Variants in BBOX1 observed in about 807,000 individuals in gnomAD.
The protein encoded by BBOX1 is gamma-butyrobetaine dioxygenase.
BBOX1 carries 35 observed loss-of-function variants against 41.6 expected under a neutral mutation model. That is an observed-to-expected ratio of 0.84 (90% CI 0.64 to 1.11). The LOEUF (loss-of-function observed/expected upper bound fraction) is 1.11, where lower values mean the gene tolerates loss of function less well. Among genes scored for constraint, BBOX1 ranks in the 50% most tolerant of loss-of-function variants. BBOX1 has a pLI of 0.00. For missense variants in BBOX1, 458 were observed against 460.6 expected (o/e 0.99, Z 0.05); for synonymous variants, 163 against 154.7 (o/e 1.05, Z -0.40).
At chr11:27,071,932 G>C (rs1472032676) in intron 4 of BBOX1, among the ~76,000 whole-genome samples, 2 of 151,952 alleles carry the variant, frequency 1.3e-5, no homozygotes, top group Admixed American at 6.6e-5. Flanking sequence ...AAAATAATAA[G>C]AGCTATTTAT....
chr11:27,077,205 A>G (rs976556492), intron 4 of BBOX1, among the ~76,000 whole-genome samples: 1 of 152,084 alleles, frequency 6.6e-6, no homozygotes, highest in Non-Finnish European at 1.5e-5. Context: ...TACCCTGTGA[A>G]GTAGGACCAA....
At chr11:27,091,198 G>A (rs992160206) in intron 4 of BBOX1, among the ~76,000 whole-genome samples, 2 of 151,906 alleles carry the variant, frequency 1.3e-5, no homozygotes, top group Admixed American at 1.3e-4. Flanking sequence ...CAGGGTCCCT[G>A]ACTTCCTGCA....
At chr11:27,117,383 G>T (rs890106041) in intron 6 of BBOX1, among the ~76,000 whole-genome samples, 2 of 151,874 alleles carry the variant, frequency 1.3e-5, no homozygotes, top group Non-Finnish European at 2.9e-5. Flanking sequence ...TTTGTTGATT[G>T]TAAAATACCA....
At chr11:27,112,314 G>A (rs1216878360) in intron 5 of BBOX1, among the ~76,000 whole-genome samples, 1 of 152,108 alleles carries the variant, frequency 6.6e-6, no homozygotes, top group South Asian at 2.1e-4. Flanking sequence ...GGAAATGATA[G>A]CTATAGAAGT....
At chr11:27,063,220 T>C (rs866002487) in intron 4 of BBOX1, among the ~76,000 whole-genome samples, 3 of 152,162 alleles carry the variant, frequency 2.0e-5, no homozygotes, top group South Asian at 2.1e-4. Context: ...CAGCAGTACA[T>C]GTTTCCAAAC....
intron 4 of BBOX1, among the ~76,000 whole-genome samples, chr11:27,080,495 C>T (rs573387222): frequency 1.6e-4 from 25 of 152,190 alleles, no homozygotes; most frequent in Non-Finnish European, 3.1e-4. Flanking sequence ...CTGCTACGTA[C>T]TAGGCACTAT....
intron 4 of BBOX1, among the ~76,000 whole-genome samples, chr11:27,075,967 G>A (rs1298084259): frequency 6.6e-6 from 1 of 152,228 alleles, no homozygotes; most frequent in Admixed American, 6.5e-5. Context: ...GCCCAGCACT[G>A]TATCTGTGCC....
intron 4 of BBOX1, among the ~76,000 whole-genome samples, chr11:27,087,422 T>C (rs769647677): frequency 1.1e-4 from 16 of 152,110 alleles, no homozygotes; most frequent in Admixed American, 2.6e-4. Context: ...ACTAAGATGA[T>C]CATTAGCAAT....
At chr11:27,071,851 C>T (rs1195462854) in intron 4 of BBOX1, among the ~76,000 whole-genome samples, 3 of 152,058 alleles carry the variant, frequency 2.0e-5, no homozygotes, top group African/African-American at 7.2e-5. Context: ...GCAGAAAAGG[C>T]CTTTGACAAA....
rs1459422645 is a variant in BBOX1 at position 27,057,063 on chromosome 11, T to TAAAAAAAAAAAAAAAAAA, written c.220-138_220-137insAAAAAAAAAAAAAAAAAA. 383 of 149,494 alleles carry TAAAAAAAAAAAAAAAAAA rather than the reference T, an allele frequency of 2.6e-3. 107 individuals carry two copies. The highest frequency in any genetic ancestry group is 4.4e-3 in the East Asian group (28 of 6,338). 9.3% of individuals were successfully genotyped at this position (149,494 alleles called of 1,614,324 possible). On this transcript the variant is annotated intron_variant, in intron 3 of 8. Coordinates refer to ENST00000263182, the MANE Select transcript of BBOX1 (RefSeq NM_003986.3). ...CCTGGCAACAGAGGAAGACTCCGACTTAAAAAAAAAAAAAAAAAAAAATTA... is the reference window on the plus strand; with the variant it reads ...CCTGGCAACAGAGGAAGACTCCGACTAAAAAAAAAAAAAAAAAATAAAAAAAAAAAAAAAAAAAAATTA...
chr11:27,093,129 T>C (rs755920489), intron 4 of BBOX1, 39 bp from the exon 5 acceptor site: 10 of 1,574,794 alleles, frequency 6.4e-6, no homozygotes, highest in Non-Finnish European at 7.9e-6. Flanking sequence ...GTAAAAAGAA[T>C]GTAATCCCAT....
chr11:27,097,754 T>C (rs1396567448), intron 5 of BBOX1, among the ~76,000 whole-genome samples: 2 of 152,020 alleles, frequency 1.3e-5, no homozygotes, highest in Non-Finnish European at 2.9e-5. Flanking sequence ...ATCCCCAGGA[T>C]GATGCAAAGC....
At chr11:27,057,472 A>G (rs1457640399) in intron 4 of BBOX1, 157 bp downstream of exon 4, 1 of 624,042 alleles carries the variant, frequency 1.6e-6, no homozygotes, top group Admixed American at 3.2e-5. Context: ...GACAAATATC[A>G]TTTGGGTAGA....
At position 27,125,703 on chromosome 11, in the gene BBOX1, A is replaced by C. The variant is rs745728859; in HGVS notation, c.886A>C (p.Arg296=). 3 of 1,609,074 alleles carry C rather than the reference A, an allele frequency of 1.9e-6. No individual in the cohort carries two copies. In the South Asian group the frequency reaches 3.3e-5, roughly 18 times the overall value. Residue 296 remains arginine (R), a synonymous_variant, in exon 8 of 9, where the codon AGG becomes CGG. Coordinates refer to ENST00000263182, the MANE Select transcript of BBOX1 (RefSeq NM_003986.3). ...VVRINFNNAT[R]DTIFDVPVER... ...TCGCATCAACTTCAATAACGCAACT[A>C]GGGACACAATATTTGATGTGCCTGT... is the stretch of plus-strand genomic sequence containing the variant.
chr11:27,124,210 G>T (rs935613221), intron 7 of BBOX1, among the ~76,000 whole-genome samples: 1 of 152,150 alleles, frequency 6.6e-6, no homozygotes, highest in African/African-American at 2.4e-5. Flanking sequence ...ACCAAGCCTT[G>T]GCCCTGGTCA....
At chr11:27,117,642 A>C (rs1008403201) in intron 6 of BBOX1, among the ~76,000 whole-genome samples, 1 of 152,022 alleles carries the variant, frequency 6.6e-6, no homozygotes, top group Non-Finnish European at 1.5e-5. Flanking sequence ...TTTTTAAATT[A>C]TCTTCTGTCT....
At chr11:27,122,006 C>T (rs1859482141) in intron 7 of BBOX1, among the ~76,000 whole-genome samples, 2 of 152,106 alleles carry the variant, frequency 1.3e-5, no homozygotes, top group South Asian at 4.1e-4. Flanking sequence ...AAGTGGTTAA[C>T]ATTAATTCAC....
intron 5 of BBOX1, among the ~76,000 whole-genome samples, chr11:27,103,450 C>G (rs1014023889): frequency 6.6e-6 from 1 of 151,952 alleles, no homozygotes; most frequent in African/African-American, 2.4e-5. Context: ...TCTTCTTTGC[C>G]GGTCCTCTTG....
At chr11:27,108,108 A>G (rs1002903116) in intron 5 of BBOX1, among the ~76,000 whole-genome samples, 2 of 152,108 alleles carry the variant, frequency 1.3e-5, no homozygotes, top group Non-Finnish European at 2.9e-5. Flanking sequence ...TCTAGGGCTA[A>G]TAAATGTTTT....
Sources: gnomAD v4.1 joint callset for allele counts (sites outside exome capture counted in the v4.1 genomes callset) on GRCh38, gnomAD v4.1.1 for gene constraint, MANE v1.5 for transcripts, NCBI Gene and HGNC (gene_info 2026-07-23, HGNC 2026-07-21) for gene names.